CNOT2: variants seen among roughly 807,000 people sequenced by gnomAD.
The protein encoded by CNOT2 is CCR4-NOT transcription complex subunit 2.
In CNOT2, 7 loss-of-function variants were observed where a neutral mutation model predicts 72.1. The observed-to-expected ratio is 0.10, with a 90% CI of 0.06 to 0.18. CNOT2 has a LOEUF of 0.18. Ranked by LOEUF, CNOT2 falls within the 10% of genes least tolerant of loss-of-function variation. The pLI is 1.00. For missense variants in CNOT2, 345 were observed against 660.3 expected, an observed-to-expected ratio of 0.52 and a Z score of 5.23; for synonymous variants, 196 against 225.6, an observed-to-expected ratio of 0.87 and a Z score of 1.17.
intron 1 of CNOT2, among the ~76,000 whole-genome samples, chr12:70,258,755 C>A (rs1175010535): frequency 6.6e-6 from 1 of 152,194 alleles, no homozygotes; most frequent in Non-Finnish European, 1.5e-5. Context: ...AGTCCTTTCC[C>A]ACTGATTTCC....
chr12:70,294,564 A>G (rs1872522221), intron 2 of CNOT2, among the ~76,000 whole-genome samples: 1 of 152,062 alleles, frequency 6.6e-6, no homozygotes, highest in Non-Finnish European at 1.5e-5. Flanking sequence ...TTTAAACTTT[A>G]TATTCTCCAC....
At chr12:70,320,635 T>C (rs1023859282) in intron 4 of CNOT2, among the ~76,000 whole-genome samples, 1 of 151,814 alleles carries the variant, frequency 6.6e-6, no homozygotes, top group Non-Finnish European at 1.5e-5. Context: ...TGTGTTTTAG[T>C]GTGGCTTTCA....
intron 2 of CNOT2, among the ~76,000 whole-genome samples, chr12:70,298,685 G>A (rs1057467220): frequency 2.0e-5 from 3 of 150,250 alleles, no homozygotes; most frequent in Non-Finnish European, 3.0e-5. Context: ...CAAAGAATGG[G>A]AGAAAGGGCA....
intron 13 of CNOT2, among the ~76,000 whole-genome samples, chr12:70,343,383 A>C (rs1881756538): frequency 6.6e-6 from 1 of 152,170 alleles, no homozygotes; most frequent in Non-Finnish European, 1.5e-5. Context: ...TAAATGTGAA[A>C]ATTTGAGACT....
At chr12:70,305,226 G>A (rs1033578746) in intron 2 of CNOT2, among the ~76,000 whole-genome samples, 7 of 152,204 alleles carry the variant, frequency 4.6e-5, no homozygotes, top group South Asian at 4.1e-4. Context: ...CGGTACCTCA[G>A]TTGGAAATGC....
chr12:70,319,454 G>T, intron 4 of CNOT2, 90 bp downstream of exon 4: 2 of 1,261,840 alleles, frequency 1.6e-6, no homozygotes, highest in Middle Eastern at 2.2e-4. Flanking sequence ...TTCCTTTGTG[G>T]GTTTATTGTA....
chr12:70,251,249 TAGA>T (rs1410190627), intron 1 of CNOT2, among the ~76,000 whole-genome samples: 1 of 152,202 alleles, frequency 6.6e-6, no homozygotes, highest in African/African-American at 2.4e-5. Flanking sequence ...AGAAACATCC[TAGA>T]GTAGAGTAAC....
chr12:70,329,440 A>T lies in CNOT2; in HGVS notation c.256A>T (p.Met86Leu). 6.2e-7 allele frequency: 1 copy of T among 1,611,418 alleles called. No homozygotes were observed. The highest frequency in any genetic ancestry group is 8.5e-7 in the Non-Finnish European group (1 of 1,178,276). ...YGQQSALGLP[M>L]RGMSNNTPQL... ...TTTATTAGGTGCACTAGGCCTTCCA[A>T]TGAGGGGGATGAGCAACAATACCCC... Residue 86 changes from methionine to leucine, a missense_variant, in exon 5 of 16, where the codon ATG becomes TTG. Coordinates refer to ENST00000229195, the MANE Select transcript of CNOT2 (RefSeq NM_014515.7).
intron 1 of CNOT2, among the ~76,000 whole-genome samples, chr12:70,264,837 T>C (rs1412789469): frequency 6.6e-6 from 1 of 152,202 alleles, no homozygotes; most frequent in African/African-American, 2.4e-5. Context: ...TAGTAGATTA[T>C]TTAAAATAAA....
intron 3 of CNOT2, among the ~76,000 whole-genome samples, chr12:70,316,355 G>A (rs1461459662): frequency 1.3e-5 from 2 of 151,936 alleles, no homozygotes; most frequent in African/African-American, 4.8e-5. Context: ...TATATTTCTT[G>A]TGCATTTTCT....
intron 15 of CNOT2, among the ~76,000 whole-genome samples, chr12:70,352,785 A>G (rs1883030466): frequency 6.6e-6 from 1 of 152,172 alleles, no homozygotes; most frequent in South Asian, 2.1e-4. Context: ...GCTATTCTGC[A>G]TCTCTATTCT....
intron 4 of CNOT2, chr12:70,323,075 G>GA (rs1201079643): frequency 6.6e-6 from 1 of 151,110 alleles, no homozygotes; most frequent in African/African-American, 2.4e-5. Flanking sequence ...TCTCCTTGAG[G>GA]AGAACCAAAA....
At chr12:70,319,685 G>T (rs1405321285) in intron 4 of CNOT2, among the ~76,000 whole-genome samples, 1 of 151,386 alleles carries the variant, frequency 6.6e-6, no homozygotes, top group African/African-American at 2.4e-5. Flanking sequence ...ATTAAAGGAA[G>T]TTAAAAGCTT....
chr12:70,352,514 A>G (rs889037812), intron 15 of CNOT2, among the ~76,000 whole-genome samples: 1 of 152,146 alleles, frequency 6.6e-6, no homozygotes, highest in African/African-American at 2.4e-5. Context: ...TTTCATTTTA[A>G]TTTAATAATG....
intron 4 of CNOT2, chr12:70,323,215 T>C (rs776776994): frequency 6.6e-5 from 10 of 151,740 alleles, no homozygotes; most frequent in Non-Finnish European, 1.3e-4. Context: ...GTAGAAGAGA[T>C]CATCCTCATT....
rs185302499 is a variant in CNOT2, at chr12:70,304,097, C to T, written c.49-6798C>T. ...CTCTGCATTGGTTATTCTAGTTATC[C>T]ATTCGTCTAATTTTTTTTCAAGGTT... is the stretch of plus-strand genomic sequence containing the variant. On this transcript the variant is annotated intron_variant, in intron 2 of 15. Transcript: ENST00000229195. Among the ~76,000 whole-genome samples the T allele has an allele frequency of 1.2e-4, 19 of 152,186 alleles. No homozygotes were observed. In the East Asian group the frequency reaches 3.5e-3, roughly 28 times the overall value.
chr12:70,295,557 T>C (rs996198154), intron 2 of CNOT2, among the ~76,000 whole-genome samples: 1 of 152,212 alleles, frequency 6.6e-6, no homozygotes, highest in Non-Finnish European at 1.5e-5. Flanking sequence ...ATAGAGGATT[T>C]GTTTTTATTC....
intron 1 of CNOT2, among the ~76,000 whole-genome samples, chr12:70,267,999 T>C (rs1016425512): frequency 6.6e-6 from 1 of 152,212 alleles, no homozygotes; most frequent in Non-Finnish European, 1.5e-5. Flanking sequence ...ATTTACTATC[T>C]GACCCTTTAC....
chr12:70,270,920 A>G (rs757700540), intron 1 of CNOT2, among the ~76,000 whole-genome samples: 1 of 152,244 alleles, frequency 6.6e-6, no homozygotes, highest in Non-Finnish European at 1.5e-5. Flanking sequence ...GGAAGGACTT[A>G]TATAAAGTTC....
Sources: allele counts gnomAD v4.1 joint callset (sites outside exome capture counted in the v4.1 genomes callset), GRCh38; gene constraint gnomAD v4.1.1; transcripts MANE v1.5; gene names NCBI Gene and HGNC (gene_info 2026-07-23, HGNC 2026-07-21).